Variants in PIEZO2 observed in about 807,000 individuals in gnomAD.
PIEZO2 encodes the protein piezo-type mechanosensitive ion channel component 2.
Under a neutral mutation model 337.3 loss-of-function variants are expected in PIEZO2, and 172 were observed. The observed-to-expected ratio is 0.51, with a 90% CI of 0.45 to 0.58. The LOEUF (loss-of-function observed/expected upper bound fraction) is 0.58, where lower values mean the gene tolerates loss of function less well. PIEZO2 is among the 20% of genes least tolerant of loss of function. The pLI is 0.00. For synonymous variants in PIEZO2, 1,251 were observed against 1,228.5 expected (o/e 1.02, Z -0.38); for missense variants, 3,028 against 3,391.3 (o/e 0.89, Z 2.66).
Position 10,895,140 on chromosome 18 carries a change from T to C in PIEZO2, c.329+16046A>G, listed in dbSNP as rs181532887. 5.1e-4 allele frequency among the ~76,000 whole-genome samples: 77 copies of C among 152,216 alleles called. No homozygotes were observed. The East Asian group carries it at 0.011, about 22-fold the overall frequency. On this transcript the variant is annotated intron_variant, in intron 4 of 55. Coordinates refer to ENST00000674853, the MANE Select transcript of PIEZO2 (RefSeq NM_001378183.1). This position sits in a 1 kb window ranked among gnomAD's most constrained non-coding sequence, Gnocchi z 4.8. ...TGGCTTCTAGCTCCCACCAGGTTAT[T>C]TGGTAGAAAGTCAACAGCCTCATGG... is the stretch of plus-strand genomic sequence containing the variant.
intron 1 of PIEZO2, among the ~76,000 whole-genome samples, chr18:11,130,464 C>T (rs193086068): frequency 1.4e-4 from 22 of 152,212 alleles, no homozygotes; most frequent in African/African-American, 1.9e-4. Flanking sequence ...ATCAAGTCTC[C>T]GGCTTTGTGT....
intron 27 of PIEZO2, among the ~76,000 whole-genome samples, chr18:10,757,186 G>T (rs2037903522): frequency 6.7e-6 from 1 of 150,294 alleles, no homozygotes; most frequent in Admixed American, 6.6e-5. Flanking sequence ...ACGAATGAGG[G>T]ATAGAGGATG....
At chr18:10,882,708 G>A (rs2042455897) in intron 4 of PIEZO2, among the ~76,000 whole-genome samples, 1 of 152,008 alleles carries the variant, frequency 6.6e-6, no homozygotes, top group Admixed American at 6.6e-5. Context: ...ATGAGGACAT[G>A]GGATGGTTGT....
chr18:10,908,610 G>C (rs759351299), intron 4 of PIEZO2: 1 of 152,202 alleles, frequency 6.6e-6, no homozygotes, highest in African/African-American at 2.4e-5. Context: ...TGTATTTGAA[G>C]GCGCTTGTTG....
In PIEZO2 at chr18:11,104,553, T is replaced by A. The variant is rs1265210401; in HGVS notation, c.65-38331A>T. Among the ~76,000 whole-genome samples, 1 of 152,142 alleles carries A rather than the reference T, an allele frequency of 6.6e-6. No individual in the cohort carries two copies. Among genetic ancestry groups the A allele is most frequent in the Non-Finnish European group, 1.5e-5 (1 of 68,026 alleles). On this transcript the variant is annotated intron_variant, in intron 1 of 55. Coordinates refer to ENST00000674853, the MANE Select transcript of PIEZO2 (RefSeq NM_001378183.1). The surrounding 1 kb of genome is among the most constrained non-coding windows in gnomAD (Gnocchi z 4.6). ...GCCTGGAGCCATCTGAAGTCTGAAG[T>A]CCTGCCCAAGCAGACTGGCTAGAAG...
In PIEZO2 at chr18:10,828,140, GT is replaced by G. The variant is rs10718341; in HGVS notation, c.918-20867del. ...GGTTTTTTTTTGTTTGTTTGTTTTT[GT>G]TTTTTTTTTTTTTTACAGTAAAACC... On this transcript the variant is annotated intron_variant, in intron 7 of 55. Transcript: ENST00000674853. This position sits in a 1 kb window ranked among gnomAD's most constrained non-coding sequence, Gnocchi z 4.1. Among the ~76,000 whole-genome samples the G allele has an allele frequency of 0.49, 68,776 of 140,656 alleles. 16,362 individuals carry two copies. The highest frequency in any genetic ancestry group is 0.8 in the East Asian group (3,952 of 4,928). The allele number at this position is 140,656 out of a possible 152,430, so 92.3% of individuals were successfully genotyped here. A position where few individuals can be genotyped will look rare whatever the true frequency, so the allele number is the denominator to read the frequency against.
At position 11,031,768 on chromosome 18, in the gene PIEZO2, A is replaced by G. The variant is rs998676863; in HGVS notation, c.160+34359T>C. ...AGTTGATTCCATGGTCCCTGGGGCAAAAGTTGAGAACTGGGACATTAAGGT... is the reference window on the plus strand; with the variant it reads ...AGTTGATTCCATGGTCCCTGGGGCAGAAGTTGAGAACTGGGACATTAAGGT... On this transcript the variant is annotated intron_variant, in intron 2 of 55. Coordinates refer to ENST00000674853, the MANE Select transcript of PIEZO2 (RefSeq NM_001378183.1). The surrounding 1 kb of genome is among the most constrained non-coding windows in gnomAD (Gnocchi z 4.7). 2.6e-5 allele frequency among the ~76,000 whole-genome samples: 4 copies of G among 152,290 alleles called. No individual in the cohort carries two copies. Among genetic ancestry groups the G allele is most frequent in the East Asian group, 1.9e-4 (1 of 5,172 alleles).
At chr18:10,816,808 G>A (rs986824585) in intron 7 of PIEZO2, among the ~76,000 whole-genome samples, 6 of 152,050 alleles carry the variant, frequency 3.9e-5, no homozygotes, top group African/African-American at 1.4e-4. Flanking sequence ...GGTAACTGCT[G>A]GAATAACTTG....
At chr18:10,725,142 T>C in intron 36 of PIEZO2, 2 of 1,460,512 alleles carry the variant, frequency 1.4e-6, no homozygotes, top group Admixed American at 1.7e-5. Flanking sequence ...TGCCTATGGC[T>C]GTGCTGAAGT....
intron 3 of PIEZO2, among the ~76,000 whole-genome samples, chr18:10,926,416 T>G (rs1324717342): frequency 6.6e-6 from 1 of 152,130 alleles, no homozygotes; most frequent in Non-Finnish European, 1.5e-5. Flanking sequence ...TGGAACATAT[T>G]TTTGGTGACT....
chr18:10,835,628 C>G (rs1270423159), intron 7 of PIEZO2, among the ~76,000 whole-genome samples: 1 of 152,008 alleles, frequency 6.6e-6, no homozygotes. Context: ...ACTGCTGCCT[C>G]TGTCTCCTGT....
chr18:10,721,651 A>G (rs544305919), intron 36 of PIEZO2, among the ~76,000 whole-genome samples: 1 of 152,338 alleles, frequency 6.6e-6, no homozygotes, highest in African/African-American at 2.4e-5. Flanking sequence ...TAGACTCAAC[A>G]GTATGTGGCA....
chr18:11,145,391 C>T (rs149905931), intron 1 of PIEZO2, among the ~76,000 whole-genome samples: 1 of 152,024 alleles, frequency 6.6e-6, no homozygotes, highest in Non-Finnish European at 1.5e-5. Context: ...ATATTAAACA[C>T]AATAGCAGTT....
chr18:10,784,928 G>A lies in PIEZO2; in HGVS notation c.2348C>T (p.Thr783Ile). Residue 783 changes from threonine to isoleucine, a missense_variant, in exon 17 of 56, where the codon ACT becomes ATT. Around this residue, in one of 5 missense-constraint regions of PIEZO2, gnomAD observed 1,925 missense variants for 2,051.9 expected, o/e 0.94. Coordinates refer to ENST00000674853, the MANE Select transcript of PIEZO2 (RefSeq NM_001378183.1). The surrounding 1 kb of genome is among the most constrained non-coding windows in gnomAD (Gnocchi z 4.5). ...KLEDLGLKQFTVAELFTRIFI... is the reference protein window; with the variant it reads ...KLEDLGLKQFIVAELFTRIFI... ...TATGCGAGTGAATAGTTCAGCCACA[G>A]TAAACTGCTTTAAGCCAAGATCCTC... 6.5e-7 allele frequency: 1 copy of A among 1,536,990 alleles called. No homozygotes were observed. The highest frequency in any genetic ancestry group is 8.7e-7 in the Non-Finnish European group (1 of 1,146,742).
At position 10,726,753 on chromosome 18, in the gene PIEZO2, G is replaced by A. The variant is rs2036561644; in HGVS notation, c.5029+4654C>T. On this transcript the variant is annotated intron_variant, in intron 36 of 55. Coordinates refer to ENST00000674853, the MANE Select transcript of PIEZO2 (RefSeq NM_001378183.1). This position sits in a 1 kb window ranked among gnomAD's most constrained non-coding sequence, Gnocchi z 5.9. ...GACATCGCCAGACCATCGATTTCCC[G>A]CTGCTGACCTCACTGGGCAAGGTGT... The A allele has an allele frequency of 1.3e-6, 2 of 1,483,202 alleles. No homozygotes were observed. Among genetic ancestry groups the A allele is most frequent in the Non-Finnish European group, 1.9e-6 (2 of 1,064,594 alleles). 91.9% of individuals were successfully genotyped at this position (1,483,202 alleles called of 1,614,324 possible). A position where few individuals can be genotyped will look rare whatever the true frequency, so the allele number is the denominator to read the frequency against.
intron 1 of PIEZO2, among the ~76,000 whole-genome samples, chr18:11,123,622 C>T (rs2040093068): frequency 1.3e-5 from 2 of 152,062 alleles, no homozygotes; most frequent in Admixed American, 1.3e-4. Context: ...TCCTGGCTAA[C>T]ACGATGAAAC....
At chr18:10,865,155 A>G (rs1187532511) in intron 5 of PIEZO2, among the ~76,000 whole-genome samples, 1 of 152,210 alleles carries the variant, frequency 6.6e-6, no homozygotes, top group Non-Finnish European at 1.5e-5. Context: ...GGGCAAAAGC[A>G]CAGGGTGAGG....
intron 3 of PIEZO2, among the ~76,000 whole-genome samples, chr18:10,934,636 CGTGTGTGTGTGTGTGT>C (rs59190236): frequency 2.3e-4 from 30 of 130,824 alleles, no homozygotes; most frequent in Middle Eastern, 3.8e-3. Context: ...ATTGTGTGTA[CGTGTGTGTGTGTGTGT>C]GTGTGTGTGT....
rs1350857212 is a variant in PIEZO2 at position 10,980,903 on chromosome 18, C to A, written c.161-1243G>T. On this transcript the variant is annotated intron_variant, in intron 2 of 55. Transcript: ENST00000674853. The surrounding 1 kb of genome is among the most constrained non-coding windows in gnomAD (Gnocchi z 4.8). The stretch of plus-strand genomic sequence containing the variant: ...AATCAAAGTGGTTAACTAAGGGAGA[C>A]TATCCTCCATAACCTGGGAAGGCAT... Among the ~76,000 whole-genome samples the A allele has an allele frequency of 6.6e-6, 1 of 152,134 alleles. No homozygotes were observed. The highest frequency in any genetic ancestry group is 6.6e-5 in the Admixed American group (1 of 15,264).
Sources: allele counts gnomAD v4.1 joint callset (sites outside exome capture counted in the v4.1 genomes callset), GRCh38; gene constraint gnomAD v4.1.1; regional missense constraint gnomAD v4.1.1; non-coding constraint Gnocchi (gnomAD v3.1); transcripts MANE v1.5; gene names NCBI Gene and HGNC (gene_info 2026-07-23, HGNC 2026-07-21).